Variants in DNAH6 observed in about 807,000 individuals in gnomAD.
DNAH6 encodes dynein axonemal heavy chain 6, also known as axonemal beta dynein heavy chain 6.
A neutral mutation model predicts 491.4 loss-of-function variants in DNAH6; 340 were observed. The ratio of observed to expected loss-of-function variants is 0.69; its 90% confidence interval spans 0.63 to 0.76. DNAH6 has a LOEUF of 0.76. Among genes scored for constraint, DNAH6 ranks in the 30% least tolerant of loss-of-function variants. DNAH6 has a pLI of 0.00. For synonymous variants in DNAH6, 1,603 were observed against 1,686.1 expected (o/e 0.95, Z 1.21); for missense variants, 4,443 against 4,972.2 (o/e 0.89, Z 3.20).
In DNAH6 at chr2:84,619,818, G is replaced by A. The variant is rs140817718; in HGVS notation, c.3706G>A (p.Glu1236Lys). 1.1e-4 allele frequency: 170 copies of A among 1,551,464 alleles called. No homozygotes were observed. In the East Asian group the frequency reaches 2.2e-3, roughly 21 times the overall value. ...CGAATTTGCTCTCATGCCTCCTGCC[G>A]AAGGAAAGATTCCTGGTATTGATGG... ...KLEFALMPPA[E>K]GKIPGIDGEP... Residue 1236 changes from glutamate (E) to lysine (K), a missense_variant, in exon 24 of 77, where the codon GAA (glutamate) becomes AAA (lysine). Glu to Lys is a moderately conservative substitution (Grantham distance 56, BLOSUM62 1). Around this residue, in one of 3 missense-constraint regions of DNAH6, gnomAD observed 2,977 missense variants for 3,296.6 expected, o/e 0.90. Transcript: ENST00000389394.
intron 14 of DNAH6, among the ~76,000 whole-genome samples, chr2:84,580,925 T>C (rs12714134): frequency 0.91 from 138,538 of 152,178 alleles, 63,129 homozygotes; most frequent in East Asian, 0.99. Flanking sequence ...TCCTTCCATC[T>C]CTCCTCTCTG....
At position 84,531,027 on chromosome 2, in the gene DNAH6, C is replaced by T. The variant is rs558395167; in HGVS notation, c.662+1861C>T. Reference sequence around the variant, plus strand: ...CTTGGCTTTATACATTTTAGGAAGACACGAGACATCAATTAATATGTGTAA... The same window carrying T: ...CTTGGCTTTATACATTTTAGGAAGATACGAGACATCAATTAATATGTGTAA... On this transcript the variant is annotated intron_variant, in intron 4 of 76. Coordinates refer to ENST00000389394, the MANE Select transcript of DNAH6 (RefSeq NM_001370.2). Among the ~76,000 whole-genome samples the T allele has an allele frequency of 3.0e-4, 45 of 152,182 alleles. No homozygotes were observed. In the South Asian group the frequency reaches 3.3e-3, roughly 11 times the overall value.
At chr2:84,749,117 G>A (rs960553716) in intron 63 of DNAH6, among the ~76,000 whole-genome samples, 2 of 152,136 alleles carry the variant, frequency 1.3e-5, no homozygotes, top group Admixed American at 6.5e-5. Context: ...CCGCCCACTA[G>A]GCCCCACCTC....
intron 76 of DNAH6, among the ~76,000 whole-genome samples, chr2:84,817,944 C>T (rs1185717438): frequency 6.6e-6 from 1 of 152,172 alleles, no homozygotes; most frequent in Non-Finnish European, 1.5e-5. Context: ...CCCCATCAGC[C>T]AAACACCTTC....
chr2:84,747,381 G>A (rs964081625), intron 63 of DNAH6, among the ~76,000 whole-genome samples: 1 of 152,208 alleles, frequency 6.6e-6, no homozygotes, highest in African/African-American at 2.4e-5. Context: ...CAAAAGGAAA[G>A]GGCAACAGGC....
chr2:84,476,165 A>C, the DNAH6 span, among the ~76,000 whole-genome samples: 2 of 152,260 alleles, frequency 1.3e-5, no homozygotes, highest in Non-Finnish European at 2.9e-5. Flanking sequence ...TTAAGTTTGC[A>C]CAAAAGGAGA....
At chr2:84,475,477 C>T in the DNAH6 span, among the ~76,000 whole-genome samples, 1 of 152,190 alleles carries the variant, frequency 6.6e-6, no homozygotes, top group African/African-American at 2.4e-5. Context: ...GATGGTAGCT[C>T]TTGCCTTTTT....
chr2:84,617,748 G>T (rs138268796), intron 23 of DNAH6, among the ~76,000 whole-genome samples: 1 of 151,980 alleles, frequency 6.6e-6, no homozygotes, highest in Non-Finnish European at 1.5e-5. Context: ...AAGAGAGACC[G>T]GTGTTGCCTG....
At chr2:84,515,335 C>G (rs1166282912), upstream of DNAH6, among the ~76,000 whole-genome samples, 1 of 152,178 alleles carries the variant, frequency 6.6e-6, no homozygotes, top group Non-Finnish European at 1.5e-5. Flanking sequence ...GATCTGCATT[C>G]TAGTTTTGTC....
rs1678328906 is a variant in DNAH6 at position 84,796,204 on chromosome 2, CA to C, written c.11240-99del. The C allele has an allele frequency of 2.4e-5, 17 of 710,370 alleles. No individual in the cohort carries two copies. In the East Asian group the frequency reaches 5.2e-4, roughly 22 times the overall value. 44.0% of individuals were successfully genotyped at this position (710,370 alleles called of 1,614,324 possible). ...GTTGTGTGCTTTCCATTTTCAGTAC[CA>C]AATAAATGTGTGTATAAATAAACAT... On this transcript the variant is annotated intron_variant, in intron 68 of 76. Transcript: ENST00000389394.
rs1467565073 is a variant in DNAH6, at chr2:84,669,451, G to C, written c.6247G>C (p.Glu2083Gln). The C allele has an allele frequency of 1.3e-5, 20 of 1,551,928 alleles. No homozygotes were observed. Among genetic ancestry groups the C allele is most frequent in the Admixed American group, 9.8e-5 (5 of 51,006 alleles). Residue 2083 changes from glutamate (E) to glutamine (Q), a missense_variant, in exon 38 of 77, where the codon GAA (glutamate) becomes CAA (glutamine). This residue lies in a region of DNAH6 where 2,977 missense variants were observed against 3,296.6 expected (regional missense o/e 0.90). Transcript: ENST00000389394. ...TDTVRYGYLM[E>Q]KLLAVKHSVL... is the part of the protein sequence containing the mutation. The stretch of plus-strand genomic sequence containing the variant: ...CACAGTGCGCTATGGGTATCTAATG[G>C]AAAAACTACTGGCAGTCAAGCATTC...
chr2:84,575,079 C>T (rs752274410), intron 12 of DNAH6, among the ~76,000 whole-genome samples: 4 of 152,144 alleles, frequency 2.6e-5, no homozygotes, highest in Non-Finnish European at 5.9e-5. Context: ...CCTCTGTGCT[C>T]CTCCTCTGTT....
At chr2:84,577,641 T>A (rs1315595565) in intron 13 of DNAH6, among the ~76,000 whole-genome samples, 1 of 152,156 alleles carries the variant, frequency 6.6e-6, no homozygotes, top group Non-Finnish European at 1.5e-5. Flanking sequence ...GGCCTCTTGC[T>A]CCTACTCCTT....
At chr2:84,763,714 ATGTGTG>A (rs70953906) in intron 64 of DNAH6, among the ~76,000 whole-genome samples, 19,546 of 126,600 alleles carry the variant, frequency 0.15, 1,254 homozygotes, top group African/African-American at 0.17. Context: ...AACTGATAGG[ATGTGTG>A]TGTGTGTGTG....
At chr2:84,547,737 T>G (rs928464563) in intron 7 of DNAH6, 125 bp downstream of exon 7, 5 of 1,021,354 alleles carry the variant, frequency 4.9e-6, no homozygotes, top group African/African-American at 1.6e-5. Context: ...AAACATTTGA[T>G]GGATATTATA....
intron 76 of DNAH6, among the ~76,000 whole-genome samples, chr2:84,817,186 CAA>C (rs761715083): frequency 3.6e-5 from 5 of 139,842 alleles, no homozygotes; most frequent in Non-Finnish European, 1.6e-5. Context: ...TGTCAGAGAC[CAA>C]AAAAAAAAAA....
chr2:84,544,528 A>ACATT lies in DNAH6; in HGVS notation c.930+28_930+29insCATT, dbSNP rs1194740751. On this transcript the variant is annotated intron_variant, in intron 5 of 76. Coordinates refer to ENST00000389394, the MANE Select transcript of DNAH6 (RefSeq NM_001370.2). Reference sequence around the variant, plus strand: ...ATGTATTTATCATTTATATTTTAAAATAATTACTTACAAAAAAAGAAAGTG... The same window carrying ACATT: ...ATGTATTTATCATTTATATTTTAAAACATTTAATTACTTACAAAAAAAGAAAGTG... 6.5e-6 allele frequency: 8 copies of ACATT among 1,230,674 alleles called. No homozygotes were observed. The Admixed American group carries it at 2.0e-4, about 31-fold the overall frequency. The allele number at this position is 1,230,674 out of a possible 1,614,324, so 76.2% of individuals were successfully genotyped here. A position where few individuals can be genotyped will look rare whatever the true frequency, so the allele number is the denominator to read the frequency against.
At chr2:84,493,487 C>T in the DNAH6 span, among the ~76,000 whole-genome samples, 1 of 151,970 alleles carries the variant, frequency 6.6e-6, no homozygotes, top group African/African-American at 2.4e-5. Flanking sequence ...TATCTTTGTG[C>T]CTCTGATCAC....
chr2:84,798,058 T>G (rs549695106), intron 70 of DNAH6, among the ~76,000 whole-genome samples: 1 of 152,200 alleles, frequency 6.6e-6, no homozygotes, highest in East Asian at 1.9e-4. Flanking sequence ...GATTCAATTA[T>G]AAAAATACAG....
Sources: allele counts gnomAD v4.1 joint callset (sites outside exome capture counted in the v4.1 genomes callset), GRCh38; gene constraint gnomAD v4.1.1; regional missense constraint gnomAD v4.1.1; transcripts MANE v1.5; gene names NCBI Gene and HGNC (gene_info 2026-07-23, HGNC 2026-07-21).